PRKAG1: variants seen among roughly 807,000 people sequenced by gnomAD.
The protein encoded by PRKAG1 is 5'-AMP-activated protein kinase subunit gamma-1.
In PRKAG1, 27 loss-of-function variants were observed where a neutral mutation model predicts 48.2. That is an observed-to-expected ratio of 0.56 (90% CI 0.41 to 0.77). PRKAG1 has a LOEUF of 0.77. Among genes scored for constraint, PRKAG1 ranks in the 30% least tolerant of loss-of-function variants. The pLI is 0.00. For synonymous variants in PRKAG1, 130 were observed against 147.7 expected (o/e 0.88, Z 0.87); for missense variants, 287 against 398.3 (o/e 0.72, Z 2.38).
intron 1 of PRKAG1, among the ~76,000 whole-genome samples, chr12:49,014,937 A>G (rs930070317): frequency 6.6e-6 from 1 of 152,252 alleles, no homozygotes; most frequent in African/African-American, 2.4e-5. Flanking sequence ...AAATAAAACC[A>G]TACTTCATCC....
chr12:49,007,748 G>A (rs1210407944), intron 2 of PRKAG1, among the ~76,000 whole-genome samples: 1 of 151,470 alleles, frequency 6.6e-6, no homozygotes, highest in Non-Finnish European at 1.5e-5. Context: ...CAAAGAAGAT[G>A]AGAATTTCTA....
At chr12:49,014,276 T>C (rs1027908903) in intron 1 of PRKAG1, among the ~76,000 whole-genome samples, 3 of 152,228 alleles carry the variant, frequency 2.0e-5, no homozygotes, top group African/African-American at 7.2e-5. Flanking sequence ...ACTGCTACAA[T>C]ATTGTGCCTT....
In PRKAG1 at chr12:49,005,807, G is replaced by T; in HGVS notation, c.104C>A (p.Ser35Tyr). 6.2e-7 allele frequency: 1 copy of T among 1,613,910 alleles called. No individual in the cohort carries two copies. Among genetic ancestry groups the T allele is most frequent in the South Asian group, 1.1e-5 (1 of 91,038 alleles). Reference protein sequence around the residue: ...NNSVYTSFMKSHRCYDLIPTS... With the variant: ...NNSVYTSFMKYHRCYDLIPTS... ...GGGAATCAGGTCATAGCAGCGATGA[G>T]ACTTCATGAAGGAAGTATACACGCT... is the stretch of plus-strand genomic sequence containing the variant. The change falls in exon 3 of 12, where the codon TCT becomes TAT. Residue 35 changes from serine (S) to tyrosine (Y), a missense_variant. By Grantham distance (144) the Ser-to-Tyr change is moderately radical. Coordinates refer to ENST00000548065, the MANE Select transcript of PRKAG1 (RefSeq NM_002733.5). This position sits in a 1 kb window ranked among gnomAD's most constrained non-coding sequence, Gnocchi z 4.1.
At chr12:49,017,165 C>T (rs1422553284) in intron 1 of PRKAG1, 2 of 456,052 alleles carry the variant, frequency 4.4e-6, no homozygotes, top group Non-Finnish European at 8.8e-6. Context: ...ACCATCACTC[C>T]AGTTAGGCTG....
chr12:49,012,977 G>GGA (rs1941818413), intron 2 of PRKAG1, 85 bp downstream of exon 2: 1 of 1,362,934 alleles, frequency 7.3e-7, no homozygotes, highest in Admixed American at 1.8e-5. Flanking sequence ...TTTTTCCAGG[G>GGA]GAGAGATTCA....
rs1565733462 is a variant in PRKAG1 at position 49,005,195 on chromosome 12, C to G, written c.310-30G>C. On this transcript the variant is annotated intron_variant, in intron 5 of 11. Transcript: ENST00000548065. The surrounding 1 kb of genome is among the most constrained non-coding windows in gnomAD (Gnocchi z 4.1). ...AAGCAGAAGCAACAGAATTTGAGAC[C>G]TGATCTCTCTGCTTCCTTAAGCCCT... The G allele has an allele frequency of 1.2e-6, 2 of 1,613,710 alleles. No individual in the cohort carries two copies. Among genetic ancestry groups the G allele is most frequent in the Non-Finnish European group, 1.7e-6 (2 of 1,179,780 alleles).
At chr12:49,004,883 T>G (rs1941469938) in intron 7 of PRKAG1, 81 bp downstream of exon 7, 4 of 1,250,430 alleles carry the variant, frequency 3.2e-6, no homozygotes, top group Non-Finnish European at 3.4e-6. Context: ...TTCTTCCCCT[T>G]TCCCTGGGTG....
At chr12:49,011,103 A>G (rs1941740552) in intron 2 of PRKAG1, among the ~76,000 whole-genome samples, 1 of 152,126 alleles carries the variant, frequency 6.6e-6, no homozygotes. Context: ...TCAGCCTCCC[A>G]AAGTGCTGGG....
In PRKAG1 at chr12:49,011,691, C is replaced by A. The variant is rs141718334; in HGVS notation, c.58+1371G>T. 5.0e-3 allele frequency among the ~76,000 whole-genome samples: 750 copies of A among 149,890 alleles called. 3 individuals are homozygous for A. The highest frequency in any genetic ancestry group is 0.031 in the South Asian group (147 of 4,700). On this transcript the variant is annotated intron_variant, in intron 2 of 11. Transcript: ENST00000548065. ...GATTCTCCTGCCTCAGCCTCCCAAG[C>A]AGCTGGGATTATAGGCGCCCACCAT...
intron 1 of PRKAG1, among the ~76,000 whole-genome samples, chr12:49,015,860 G>A (rs776183894): frequency 1.3e-4 from 20 of 151,562 alleles, no homozygotes; most frequent in African/African-American, 3.1e-4. Flanking sequence ...ACAGGTATGC[G>A]CCACCGAGCC....
In PRKAG1 at chr12:49,005,270, G is replaced by C; in HGVS notation, c.309+36C>G. The C allele has an allele frequency of 6.2e-7, 1 of 1,613,386 alleles. No individual in the cohort carries two copies. Among genetic ancestry groups the C allele is most frequent in the Non-Finnish European group, 8.5e-7 (1 of 1,179,386 alleles). On this transcript the variant is annotated intron_variant, in intron 5 of 11. Coordinates refer to ENST00000548065, the MANE Select transcript of PRKAG1 (RefSeq NM_002733.5). The surrounding 1 kb of genome is among the most constrained non-coding windows in gnomAD (Gnocchi z 4.1). ...ATGAGAATGAGGGATTTAGGGCAGGGAAAGTGATTTTGGTCATTGGGTTAA... is the reference window on the plus strand; with the variant it reads ...ATGAGAATGAGGGATTTAGGGCAGGCAAAGTGATTTTGGTCATTGGGTTAA...
In PRKAG1 at chr12:49,003,795, T is replaced by C. The variant is rs1440013941; in HGVS notation, c.665A>G (p.Gln222Arg). ...PVYVALGIFV[Q>R]HRVSALPVVD... is the part of the protein sequence containing the mutation. The stretch of plus-strand genomic sequence containing the variant: ...CACTGGCAGGGCTGAGACTCGATGC[T>C]GTACAAAAATCCCCAGAGCCACATA... The change falls in exon 9 of 12, where the codon CAG (glutamine) becomes CGG (arginine). Residue 222 changes from glutamine (Q) to arginine (R), a missense_variant. Around this residue, in one of 2 missense-constraint regions of PRKAG1, gnomAD observed 224 missense variants for 344.3 expected, o/e 0.65. Transcript: ENST00000548065. 5 of 1,613,872 alleles carry C rather than the reference T, an allele frequency of 3.1e-6. No individual in the cohort carries two copies. The Admixed American group carries it at 6.7e-5, about 22-fold the overall frequency.
chr12:49,005,231 T>C lies in PRKAG1; in HGVS notation c.310-66A>G, dbSNP rs1231682310. On this transcript the variant is annotated intron_variant, in intron 5 of 11. Coordinates refer to ENST00000548065, the MANE Select transcript of PRKAG1 (RefSeq NM_002733.5). The surrounding 1 kb of genome is among the most constrained non-coding windows in gnomAD (Gnocchi z 4.1). ...GCTTCCTTAAGCCCTCGTGGCTTGC[T>C]TGGAGAAAAAGAAATGAGAATGAGG... The C allele has an allele frequency of 3.1e-6, 5 of 1,612,896 alleles. No individual in the cohort carries two copies. The highest frequency in any genetic ancestry group is 4.5e-5 in the East Asian group (2 of 44,886).
chr12:49,004,813 CTGTGTGTGTGTGTG>C lies in PRKAG1; in HGVS notation c.410+137_410+150del, dbSNP rs3832821. 356 of 714,432 alleles carry C rather than the reference CTGTGTGTGTGTGTG, an allele frequency of 5.0e-4. 1 individual carries two copies. The highest frequency in any genetic ancestry group is 8.4e-4 in the East Asian group (27 of 32,152). The allele number at this position is 714,432 out of a possible 1,614,324, so 44.3% of individuals were successfully genotyped here. ...AGTGAGAATGAGAGAGAGAGAGAGA[CTGTGTGTGTGTGTG>C]TGTGTGTGTGTGTGTGTGTGTGTGT... On this transcript the variant is annotated intron_variant, in intron 7 of 11. Transcript: ENST00000548065.
rs1328918293 is a variant in PRKAG1 at position 49,005,414 on chromosome 12, C to T, written c.250+48G>A. On this transcript the variant is annotated intron_variant, in intron 4 of 11. Transcript: ENST00000548065. The surrounding 1 kb of genome is among the most constrained non-coding windows in gnomAD (Gnocchi z 4.1). ...GCACTGCCTGAAGCTTGTCTCCCTG[C>T]CCAGCACAAGATGCCAATAATATTG... The T allele has an allele frequency of 6.8e-6, 11 of 1,614,064 alleles. No homozygotes were observed. The highest frequency in any genetic ancestry group is 3.3e-5 in the Admixed American group (2 of 60,022).
chr12:49,003,626 G>A, intron 9 of PRKAG1, 31 bp from the exon 10 acceptor site: 1 of 1,613,364 alleles, frequency 6.2e-7, no homozygotes, highest in African/African-American at 1.3e-5. Flanking sequence ...CAGTAAGGAG[G>A]ATCTGGGATC....
At chr12:49,004,121 C>G in intron 8 of PRKAG1, 199 bp from the exon 9 acceptor site, 1 of 672,958 alleles carries the variant, frequency 1.5e-6, no homozygotes, top group Non-Finnish European at 2.3e-6. Flanking sequence ...AAAACCCTAT[C>G]TCTATAAAAA....
rs1306890006 is a variant in PRKAG1, at chr12:49,003,264, G to A, written c.768C>T (p.Asn256=). The A allele has an allele frequency of 1.5e-5, 25 of 1,614,058 alleles. No homozygotes were observed. The highest frequency in any genetic ancestry group is 1.9e-5 in the Non-Finnish European group (23 of 1,180,036). The change falls in exon 11 of 12, where the codon AAC becomes AAT. Residue 256 remains asparagine, a synonymous_variant. Coordinates refer to ENST00000548065, the MANE Select transcript of PRKAG1 (RefSeq NM_002733.5). ...VINLAAEKTY[N]NLDVSVTKAL... is the part of the protein sequence containing the mutation. ...CTTTAGTCACAGATACATCTAGGTTGTTGTAGGTCTTTTCTGCTGCCAGAT... is the reference window on the plus strand; with the variant it reads ...CTTTAGTCACAGATACATCTAGGTTATTGTAGGTCTTTTCTGCTGCCAGAT...
chr12:49,017,096 T>C (rs1565742682), intron 1 of PRKAG1: 6 of 453,968 alleles, frequency 1.3e-5, no homozygotes, highest in East Asian at 6.9e-5. Context: ...TGTTTTCATA[T>C]TGATGACAGC....
Sources: allele counts gnomAD v4.1 joint callset (sites outside exome capture counted in the v4.1 genomes callset), GRCh38; gene constraint gnomAD v4.1.1; regional missense constraint gnomAD v4.1.1; non-coding constraint Gnocchi (gnomAD v3.1); transcripts MANE v1.5; gene names NCBI Gene and HGNC (gene_info 2026-07-23, HGNC 2026-07-21).